The following MOSPD2 variants were observed in gnomAD, a reference collection of about 807,000 sequenced individuals.
The protein encoded by MOSPD2 is motile sperm domain containing 2.
A neutral mutation model predicts 41.7 loss-of-function variants in MOSPD2; 5 were observed. The observed-to-expected ratio is 0.12, with a 90% CI of 0.06 to 0.25. The LOEUF (loss-of-function observed/expected upper bound fraction) is 0.25. Ranked by LOEUF, MOSPD2 falls within the 10% of genes least tolerant of loss-of-function variation. MOSPD2 has a pLI of 1.00. For missense variants in MOSPD2, 282 were observed against 375.2 expected (o/e 0.75, Z 2.05); for synonymous variants, 115 against 126.9 (o/e 0.91, Z 0.63).
intron 7 of MOSPD2, among the ~76,000 whole-genome samples, chrX:14,905,333 T>C (rs1421415538): frequency 1.8e-5 from 2 of 111,455 alleles, no homozygotes; most frequent in East Asian, 5.6e-4. Flanking sequence ...GTTCATGGAT[T>C]GGAAGACTTA....
At chrX:14,899,177 G>A (rs1185057623) in intron 5 of MOSPD2, among the ~76,000 whole-genome samples, 1 of 105,407 alleles carries the variant, frequency 9.5e-6, no homozygotes, top group African/African-American at 3.3e-5. Context: ...CAGCCTCCTC[G>A]AAAACATCCT....
chrX:14,905,221 CT>C (rs2092579809), intron 7 of MOSPD2, among the ~76,000 whole-genome samples: 1 of 112,064 alleles, frequency 8.9e-6, no homozygotes, highest in Admixed American at 9.5e-5. Context: ...CACTGTCTCT[CT>C]TACCACTTCT....
At chrX:14,889,716 G>A (rs1173397928) in intron 2 of MOSPD2, among the ~76,000 whole-genome samples, 1 of 111,536 alleles carries the variant, frequency 9.0e-6, no homozygotes, top group African/African-American at 3.3e-5. Flanking sequence ...CATGTTATAT[G>A]TAAGAACATT....
chrX:14,880,148 T>C (rs191242672), intron 2 of MOSPD2, among the ~76,000 whole-genome samples: 1 of 110,949 alleles, frequency 9.0e-6, no homozygotes, highest in Admixed American at 9.6e-5. Context: ...GAACCTGGTA[T>C]ATATTTGTAT....
At chrX:14,909,120 G>A (rs1453496888) in intron 8 of MOSPD2, 136 bp downstream of exon 8, 1 of 413,046 alleles carries the variant, frequency 2.4e-6, no homozygotes, top group East Asian at 5.5e-5. Flanking sequence ...ATAGCAAGTA[G>A]TGTTACACAC....
At chrX:14,894,726 G>A (rs2092560053) in intron 3 of MOSPD2, among the ~76,000 whole-genome samples, 1 of 110,578 alleles carries the variant, frequency 9.0e-6, no homozygotes, top group African/African-American at 3.3e-5. Flanking sequence ...CAAAGTGCTG[G>A]GATTACATGA....
intron 2 of MOSPD2, 96 bp downstream of exon 2, chrX:14,873,854 A>G: frequency 1.5e-6 from 1 of 679,419 alleles, no homozygotes. Context: ...GGTGTTAGGG[A>G]CCCTTTCGAC....
At chrX:14,900,540 T>A (rs2092571173) in intron 5 of MOSPD2, 35 bp from the exon 6 acceptor site, 3 of 795,007 alleles carry the variant, frequency 3.8e-6, no homozygotes, top group Non-Finnish European at 5.4e-6. Flanking sequence ...AGTTCTCTAA[T>A]GTGGACAGTC....
At chrX:14,906,016 A>C (rs1385704634) in intron 7 of MOSPD2, among the ~76,000 whole-genome samples, 1 of 111,803 alleles carries the variant, frequency 8.9e-6, no homozygotes, top group East Asian at 2.8e-4. Flanking sequence ...CACTTCCCAA[A>C]TTGATCTACT....
At chrX:14,901,522 A>T (rs1270199259) in intron 6 of MOSPD2, among the ~76,000 whole-genome samples, 4 of 111,613 alleles carry the variant, frequency 3.6e-5, no homozygotes, top group Non-Finnish European at 7.5e-5. Flanking sequence ...ATAGACAAAA[A>T]GCATAATGGA....
chrX:14,919,306 T>G (rs564036106), intron 14 of MOSPD2, among the ~76,000 whole-genome samples: 2 of 112,055 alleles, frequency 1.8e-5, no homozygotes, highest in Non-Finnish European at 3.8e-5. Flanking sequence ...CAAGGTACTT[T>G]GGGGAGTATC....
intron 7 of MOSPD2, among the ~76,000 whole-genome samples, chrX:14,904,036 A>G (rs1158871854): frequency 1.8e-5 from 2 of 112,324 alleles, no homozygotes; most frequent in East Asian, 2.8e-4. Context: ...AGAAAAGCCC[A>G]GGCCCAGATG....
chrX:14,911,795 G>A (rs2092592225), intron 9 of MOSPD2, among the ~76,000 whole-genome samples: 1 of 111,747 alleles, frequency 8.9e-6, no homozygotes, highest in African/African-American at 3.3e-5. Context: ...GCTGAGTTGG[G>A]AAGATCGCTT....
chrX:14,900,646 T>C lies in MOSPD2; in HGVS notation c.538+11T>C, dbSNP rs764468375. 7.5e-6 allele frequency: 7 copies of C among 932,152 alleles called. No individual in the cohort carries two copies. Among genetic ancestry groups the C allele is most frequent in the South Asian group, 2.5e-5 (1 of 40,798 alleles). 76.8% of individuals were successfully genotyped at this position (932,152 alleles called of 1,213,427 possible). A position where few individuals can be genotyped will look rare whatever the true frequency, so the allele number is the denominator to read the frequency against. On this transcript the variant is annotated intron_variant, in intron 6 of 14. Transcript: ENST00000380492. Reference sequence around the variant, plus strand: ...ACCCTAAATACCTCTGTAAGTAACTTACTCCTTTATAAAAAATATAACATA... The same window carrying C: ...ACCCTAAATACCTCTGTAAGTAACTCACTCCTTTATAAAAAATATAACATA...
chrX:14,912,269 T>C lies in MOSPD2; in HGVS notation c.900T>C (p.Thr300=). The C allele has an allele frequency of 8.4e-7, 1 of 1,185,184 alleles. No individual in the cohort carries two copies. Among genetic ancestry groups the C allele is most frequent in the Non-Finnish European group, 1.1e-6 (1 of 884,195 alleles). Residue 300 remains threonine (T), a synonymous_variant, in exon 10 of 15, where the codon ACT becomes ACC. Coordinates refer to ENST00000380492, the MANE Select transcript of MOSPD2 (RefSeq NM_152581.4). ...TTTAGATTAACCCAACCGAATCTAC[T>C]TCCAAAGCAGAAGAAAATGAAAAAG... ...LLKKINPTES[T]SKAEENEKVD... is the part of the protein sequence containing the mutation.
chrX:14,881,249 A>G (rs1374781542), intron 2 of MOSPD2, among the ~76,000 whole-genome samples: 1 of 104,194 alleles, frequency 9.6e-6, no homozygotes, highest in East Asian at 2.9e-4. Flanking sequence ...TTTTTTTTTA[A>G]TTAAGCAATT....
rs758697305 is a variant in MOSPD2, at chrX:14,916,183, C to G, written c.1187-14C>G. The G allele has an allele frequency of 1.7e-6, 2 of 1,211,247 alleles. No homozygotes were observed. Among genetic ancestry groups the G allele is most frequent in the Non-Finnish European group, 2.2e-6 (2 of 895,243 alleles). On this transcript the variant is annotated splice_polypyrimidine_tract_variant and intron_variant, in intron 12 of 14. Coordinates refer to ENST00000380492, the MANE Select transcript of MOSPD2 (RefSeq NM_152581.4). ...GTTCCTGTTTATATGCTGAATTACCCTTTTGGAATGCAGGTTTAACAGTCT... is the reference window on the plus strand; with the variant it reads ...GTTCCTGTTTATATGCTGAATTACCGTTTTGGAATGCAGGTTTAACAGTCT...
Position 14,920,087 on chromosome X carries a change from C to T in MOSPD2, c.*278C>T. 4.0e-6 allele frequency: 3 copies of T among 744,251 alleles called. No homozygotes were observed. Among genetic ancestry groups the T allele is most frequent in the Non-Finnish European group, 4.8e-6 (3 of 618,676 alleles). 61.3% of individuals were successfully genotyped at this position (744,251 alleles called of 1,213,427 possible). A position where few individuals can be genotyped will look rare whatever the true frequency, so the allele number is the denominator to read the frequency against. On this transcript the variant is annotated 3_prime_UTR_variant, in exon 15 of 15. Transcript: ENST00000380492. ...ATAGTTTAAATATAATTTATTTTTT[C>T]CTTTTGATCTGAATACTTTTAAAGC...
intron 2 of MOSPD2, among the ~76,000 whole-genome samples, chrX:14,888,873 C>T (rs969291721): frequency 9.0e-6 from 1 of 110,895 alleles, no homozygotes; most frequent in African/African-American, 3.3e-5. Flanking sequence ...TGTCTTAGTC[C>T]GTTCTGTGAT....
Sources: gnomAD v4.1 joint callset for allele counts (sites outside exome capture counted in the v4.1 genomes callset) on GRCh38, gnomAD v4.1.1 for gene constraint, MANE v1.5 for transcripts, NCBI Gene and HGNC (gene_info 2026-07-23, HGNC 2026-07-21) for gene names.